The following CACNA2D1 variants were observed in gnomAD, a reference collection of about 807,000 sequenced individuals.
CACNA2D1 encodes calcium voltage-gated channel auxiliary subunit alpha2delta 1, also known as voltage-dependent calcium channel subunit alpha-2/delta-1.
In CACNA2D1, 53 loss-of-function variants were observed where a neutral mutation model predicts 171.5. The observed-to-expected ratio is 0.31, with a 90% CI of 0.25 to 0.39. The LOEUF (loss-of-function observed/expected upper bound fraction) is 0.39, where lower values mean the gene tolerates loss of function less well. Among genes scored for constraint, CACNA2D1 ranks in the 10% least tolerant of loss-of-function variants. CACNA2D1 has a pLI of 1.00. For synonymous variants in CACNA2D1, 442 were observed against 443.1 expected, an observed-to-expected ratio of 1.00 and a Z score of 0.03; for missense variants, 903 against 1,299.8, an observed-to-expected ratio of 0.69 and a Z score of 4.69.
intron 2 of CACNA2D1, among the ~76,000 whole-genome samples, chr7:82,344,970 A>G (rs1331179433): frequency 6.6e-6 from 1 of 152,162 alleles, no homozygotes; most frequent in Non-Finnish European, 1.5e-5. Flanking sequence ...CTGATATTCT[A>G]ATATGGCTTC....
intron 3 of CACNA2D1, among the ~76,000 whole-genome samples, chr7:82,218,141 G>A (rs1450758983): frequency 5.9e-5 from 9 of 151,792 alleles, no homozygotes; most frequent in Non-Finnish European, 1.2e-4. Flanking sequence ...TCACCGTGTT[G>A]GACAGGATGG....
At chr7:82,267,857 C>A (rs559285070) in intron 3 of CACNA2D1, among the ~76,000 whole-genome samples, 1 of 151,916 alleles carries the variant, frequency 6.6e-6, no homozygotes, top group Non-Finnish European at 1.5e-5. Context: ...ATTAGCCGGG[C>A]GTGGTGGCGG....
At chr7:82,162,985 G>A (rs1021396603) in intron 4 of CACNA2D1, among the ~76,000 whole-genome samples, 2 of 151,902 alleles carry the variant, frequency 1.3e-5, no homozygotes, top group Non-Finnish European at 2.9e-5. Context: ...CCAGGCCTTC[G>A]AGTCCTGGAA....
rs555613676 is a variant in CACNA2D1 at position 82,310,596 on chromosome 7, C to A, written c.294+24539G>T. Among the ~76,000 whole-genome samples the A allele has an allele frequency of 4.6e-5, 7 of 151,646 alleles. No homozygotes were observed. The South Asian group carries it at 1.5e-3, about 32-fold the overall frequency. On this transcript the variant is annotated intron_variant, in intron 3 of 38. Coordinates refer to ENST00000356860, the MANE Select transcript of CACNA2D1 (RefSeq NM_000722.4). ...TTCTTTTGAATAAGATTTTCATATACTATTAATAAGAAATAATAAAAGACT... is the reference window on the plus strand; with the variant it reads ...TTCTTTTGAATAAGATTTTCATATAATATTAATAAGAAATAATAAAAGACT...
At chr7:82,149,795 A>AGAAAAG (rs1440283985) in intron 4 of CACNA2D1, among the ~76,000 whole-genome samples, 46 of 127,256 alleles carry the variant, frequency 3.6e-4, no homozygotes, top group Non-Finnish European at 6.6e-4. Context: ...AACAAACAAC[A>AGAAAAG]AAAAAAAAAA....
rs528324854 is a variant in CACNA2D1, at chr7:82,236,741, A to G, written c.295-66132T>C. On this transcript the variant is annotated intron_variant, in intron 3 of 38. Transcript: ENST00000356860. ...TTTTTATAAAAGCCTATAACTTGAT[A>G]TAACAAAAGTAGAAGAAAAAACAGT... Among the ~76,000 whole-genome samples, 34 of 152,048 alleles carry G rather than the reference A, an allele frequency of 2.2e-4. 1 individual carries two copies. Among genetic ancestry groups the G allele is most frequent in the Non-Finnish European group, 4.4e-4 (30 of 67,920 alleles).
At chr7:82,412,160 C>T (rs2129455366) in intron 1 of CACNA2D1, among the ~76,000 whole-genome samples, 1 of 151,890 alleles carries the variant, frequency 6.6e-6, no homozygotes, top group South Asian at 2.1e-4. Context: ...ATTAAAAACA[C>T]AAAAAACAGG....
At chr7:82,114,760 GAAAAAAAA>G (rs34240770) in intron 6 of CACNA2D1, among the ~76,000 whole-genome samples, 4 of 103,088 alleles carry the variant, frequency 3.9e-5, no homozygotes, top group South Asian at 3.0e-4. Flanking sequence ...CGTCCCAGAA[GAAAAAAAA>G]AAAAAAAAAA....
At chr7:82,150,257 T>TAAAC (rs1793673822) in intron 4 of CACNA2D1, among the ~76,000 whole-genome samples, 1 of 92,848 alleles carries the variant, frequency 1.1e-5, no homozygotes, top group Non-Finnish European at 2.3e-5. Context: ...TAGATCAAAT[T>TAAAC]AAAAAAAAAA....
chr7:82,427,117 G>C (rs1453887995), intron 1 of CACNA2D1, among the ~76,000 whole-genome samples: 2 of 152,148 alleles, frequency 1.3e-5, no homozygotes, highest in African/African-American at 4.8e-5. Context: ...TAGTGGATAA[G>C]GGGGAACTTA....
Position 81,967,771 on chromosome 7 carries a change from A to T in CACNA2D1, c.2396-108T>A, listed in dbSNP as rs1476955340. 4 of 622,046 alleles carry T rather than the reference A, an allele frequency of 6.4e-6. No homozygotes were observed. The African/African-American group carries it at 7.4e-5, about 12-fold the overall frequency. The allele number at this position is 622,046 out of a possible 1,614,324, so 38.5% of individuals were successfully genotyped here. ...GTATCAGACTATAGTTTATTACAGA[A>T]GTTTTAGTTTTGTGTTCATTAAGAA... On this transcript the variant is annotated intron_variant, in intron 29 of 38. Transcript: ENST00000356860.
chr7:82,437,292 G>A (rs1390300829), intron 1 of CACNA2D1, among the ~76,000 whole-genome samples: 1 of 152,034 alleles, frequency 6.6e-6, no homozygotes, highest in Non-Finnish European at 1.5e-5. Flanking sequence ...CATTGGAATT[G>A]CTTTCCATCA....
intron 6 of CACNA2D1, 44 bp downstream of exon 6, chr7:82,117,000 C>G (rs147715907): frequency 3.7e-6 from 6 of 1,607,092 alleles, no homozygotes; most frequent in Non-Finnish European, 5.1e-6. Context: ...ATAAGACAGG[C>G]GAGAGCATGG....
intron 1 of CACNA2D1, among the ~76,000 whole-genome samples, chr7:82,386,409 A>AT (rs1257991482): frequency 6.6e-6 from 1 of 152,196 alleles, no homozygotes; most frequent in Non-Finnish European, 1.5e-5. Context: ...ATTACATTTT[A>AT]ATATACTTAT....
intron 15 of CACNA2D1, 57 bp from the exon 16 acceptor site, chr7:82,007,813 G>T: frequency 1.0e-6 from 1 of 983,442 alleles, no homozygotes; most frequent in South Asian, 1.3e-5. Flanking sequence ...AGCTTTGTCA[G>T]AGTGCACTAA....
Position 82,075,617 on chromosome 7 carries a change from T to C in CACNA2D1, c.659-9093A>G, listed in dbSNP as rs148755223. The stretch of plus-strand genomic sequence containing the variant: ...GACAATAATGACATTGCTAAAAACA[T>C]AAAACAAACTATGATTCTACAGGAA... On this transcript the variant is annotated intron_variant, in intron 7 of 38. Transcript: ENST00000356860. Among the ~76,000 whole-genome samples the C allele has an allele frequency of 6.6e-3, 998 of 152,270 alleles. 15 individuals are homozygous for C. Among genetic ancestry groups the C allele is most frequent in the African/African-American group, 0.023 (955 of 41,558 alleles).
chr7:82,230,424 A>G (rs1329062214), intron 3 of CACNA2D1, among the ~76,000 whole-genome samples: 2 of 152,236 alleles, frequency 1.3e-5, no homozygotes, highest in Non-Finnish European at 2.9e-5. Flanking sequence ...GGAGCTATGA[A>G]AAATTGTGAT....
In CACNA2D1 at chr7:82,378,938, CGTGTGTGTGTGTGTGTGT is replaced by C. The variant is rs533854397; in HGVS notation, c.96-29307_96-29290del. On this transcript the variant is annotated intron_variant, in intron 1 of 38. Transcript: ENST00000356860. ...TACTGTATGTGTGCAGGGGTTGACT[CGTGTGTGTGTGTGTGTGT>C]GTGTGTGTGTGTGTGTGTGTGTGTG... Among the ~76,000 whole-genome samples, 18 of 139,168 alleles carry C rather than the reference CGTGTGTGTGTGTGTGTGT, an allele frequency of 1.3e-4. No individual in the cohort carries two copies. The South Asian group carries it at 1.8e-3, about 14-fold the overall frequency. The allele number at this position is 139,168 out of a possible 152,430, so 91.3% of individuals were successfully genotyped here. A position where few individuals can be genotyped will look rare whatever the true frequency, so the allele number is the denominator to read the frequency against.
chr7:82,144,805 A>G (rs1792793268), intron 4 of CACNA2D1, among the ~76,000 whole-genome samples: 2 of 152,192 alleles, frequency 1.3e-5, no homozygotes, highest in Non-Finnish European at 2.9e-5. Context: ...GCATAATAAA[A>G]AATCAAATAA....
Sources: gnomAD v4.1 joint callset for allele counts (sites outside exome capture counted in the v4.1 genomes callset) on GRCh38, gnomAD v4.1.1 for gene constraint, MANE v1.5 for transcripts, NCBI Gene and HGNC (gene_info 2026-07-23, HGNC 2026-07-21) for gene names.